Variants in CLYBL observed in about 807,000 individuals in gnomAD.
CLYBL encodes the protein citramalyl-CoA lyase.
Under a neutral mutation model 38.9 loss-of-function variants are expected in CLYBL, and 31 were observed. The observed-to-expected ratio is 0.80, with a 90% CI of 0.60 to 1.08. CLYBL has a LOEUF of 1.08. CLYBL is among the 50% of genes least tolerant of loss of function. CLYBL has a pLI of 0.00. For missense variants in CLYBL, 434 were observed against 411.6 expected (o/e 1.05, Z -0.47); for synonymous variants, 171 against 158.6 (o/e 1.08, Z -0.59).
intron 1 of CLYBL, among the ~76,000 whole-genome samples, chr13:99,712,895 C>T (rs2048256830): frequency 6.6e-6 from 1 of 152,026 alleles, no homozygotes. Context: ...TATCTGGAAA[C>T]CATGTCTTCT....
intron 2 of CLYBL, among the ~76,000 whole-genome samples, chr13:99,843,658 G>A (rs1341425642): frequency 6.7e-6 from 1 of 148,484 alleles, no homozygotes; most frequent in Non-Finnish European, 1.5e-5. Flanking sequence ...CTGGAGTGCA[G>A]TGGTATGATC....
intron 2 of CLYBL, among the ~76,000 whole-genome samples, chr13:99,821,036 G>A (rs1429108137): frequency 6.6e-6 from 1 of 152,174 alleles, no homozygotes; most frequent in African/African-American, 2.4e-5. Context: ...TAGGTGATTT[G>A]TGTTTTAAAT....
Position 99,849,625 on chromosome 13 carries a change from T to C in CLYBL, c.250-9236T>C, listed in dbSNP as rs188443683. On this transcript the variant is annotated intron_variant, in intron 2 of 8. Transcript: ENST00000339105. This position sits in a 1 kb window ranked among gnomAD's most constrained non-coding sequence, Gnocchi z 4.9. Reference sequence around the variant, plus strand: ...TCAGCACCAGCTCCACATTGTCCTATGAGTTTGAGTCAGAGGTGCCTCAGA... The same window carrying C: ...TCAGCACCAGCTCCACATTGTCCTACGAGTTTGAGTCAGAGGTGCCTCAGA... Among the ~76,000 whole-genome samples the C allele has an allele frequency of 2.4e-3, 362 of 152,342 alleles. 2 individuals carry two copies. Among genetic ancestry groups the C allele is most frequent in the African/African-American group, 8.6e-3 (357 of 41,578 alleles).
At chr13:99,677,923 G>A (rs573532884) in intron 1 of CLYBL, among the ~76,000 whole-genome samples, 2 of 152,208 alleles carry the variant, frequency 1.3e-5, no homozygotes, top group South Asian at 4.1e-4. Context: ...TTTTATTTCA[G>A]GTCACCTTGC....
chr13:99,875,455 T>C (rs4772250), intron 7 of CLYBL, among the ~76,000 whole-genome samples: 34,675 of 152,158 alleles, frequency 0.23, 4,485 homozygotes, highest in East Asian at 0.4. Flanking sequence ...CATAGGTGTC[T>C]GATTGCTGCT....
intron 1 of CLYBL, among the ~76,000 whole-genome samples, chr13:99,738,889 C>G (rs893137029): frequency 2.6e-5 from 4 of 152,144 alleles, no homozygotes; most frequent in African/African-American, 9.7e-5. Context: ...TAGTTGGACA[C>G]TCAGCTGTGA....
downstream of CLYBL, chr13:99,897,207 T>C (rs1341110859): frequency 6.6e-6 from 1 of 152,326 alleles, no homozygotes; most frequent in African/African-American, 2.4e-5. Context: ...GCAGGAGCTA[T>C]GCCAGGCTGC....
intron 1 of CLYBL, among the ~76,000 whole-genome samples, chr13:99,623,852 G>C (rs998682129): frequency 5.3e-5 from 8 of 151,850 alleles, no homozygotes; most frequent in African/African-American, 1.5e-4. Context: ...CCAGCTACTC[G>C]GGAGGCTGAG....
At chr13:99,720,594 C>T (rs547090655) in intron 1 of CLYBL, among the ~76,000 whole-genome samples, 40 of 152,236 alleles carry the variant, frequency 2.6e-4, no homozygotes, top group Admixed American at 5.9e-4. Context: ...GTATGGAGAA[C>T]GTGTTTATTT....
At chr13:99,770,508 G>A (rs2049365552) in intron 1 of CLYBL, among the ~76,000 whole-genome samples, 2 of 151,982 alleles carry the variant, frequency 1.3e-5, no homozygotes, top group South Asian at 4.2e-4. Context: ...TAGTAGAGAC[G>A]GGGTTTCACT....
intron 2 of CLYBL, among the ~76,000 whole-genome samples, chr13:99,837,577 C>T (rs937325413): frequency 3.9e-5 from 6 of 152,170 alleles, no homozygotes; most frequent in African/African-American, 1.4e-4. Flanking sequence ...AGAAATGTCA[C>T]CTAGTAAAAT....
chr13:99,636,049 G>A (rs1226903150), intron 1 of CLYBL, among the ~76,000 whole-genome samples: 2 of 152,008 alleles, frequency 1.3e-5, no homozygotes, highest in Admixed American at 6.5e-5. Flanking sequence ...AACTTTTAAT[G>A]AGTTTGAATT....
At chr13:99,876,899 T>C (rs561313703) in intron 7 of CLYBL, among the ~76,000 whole-genome samples, 1 of 152,322 alleles carries the variant, frequency 6.6e-6, no homozygotes, top group Non-Finnish European at 1.5e-5. Flanking sequence ...AATGTATGTC[T>C]TTTCTTGAGG....
chr13:99,728,480 G>C (rs898530972), intron 1 of CLYBL, among the ~76,000 whole-genome samples: 6 of 151,628 alleles, frequency 4.0e-5, no homozygotes, highest in African/African-American at 1.5e-4. Flanking sequence ...GGGTTTCACT[G>C]TGTTAGCCAG....
At chr13:99,895,321 A>C (rs958551941), downstream of CLYBL, 5 of 152,156 alleles carry the variant, frequency 3.3e-5, no homozygotes, top group South Asian at 6.2e-4. Flanking sequence ...TCTGTGTTTT[A>C]TTTCTTTCCT....
downstream of CLYBL, among the ~76,000 whole-genome samples, chr13:99,900,567 G>A (rs1401668311): frequency 1.3e-5 from 2 of 152,064 alleles, no homozygotes; most frequent in Non-Finnish European, 2.9e-5. Flanking sequence ...CAATGCTAGG[G>A]GCACCTTCTG....
intron 1 of CLYBL, among the ~76,000 whole-genome samples, chr13:99,740,344 G>A (rs2048732575): frequency 6.6e-6 from 1 of 152,182 alleles, no homozygotes; most frequent in South Asian, 2.1e-4. Flanking sequence ...CATGACAAAT[G>A]CTGTCCTGTA....
chr13:99,735,741 GT>G (rs2048655867), intron 1 of CLYBL, among the ~76,000 whole-genome samples: 2 of 152,122 alleles, frequency 1.3e-5, no homozygotes. Context: ...AAAGGATTAA[GT>G]GAGATAATGT....
intron 1 of CLYBL, among the ~76,000 whole-genome samples, chr13:99,710,052 G>C (rs1478575191): frequency 2.0e-5 from 3 of 151,564 alleles, no homozygotes; most frequent in African/African-American, 7.3e-5. Flanking sequence ...GCCTCTCCGA[G>C]TAGCTGGGGC....
Sources: gnomAD v4.1 joint callset for allele counts (sites outside exome capture counted in the v4.1 genomes callset) on GRCh38, gnomAD v4.1.1 for gene constraint, Gnocchi (gnomAD v3.1) non-coding constraint, MANE v1.5 for transcripts, NCBI Gene and HGNC (gene_info 2026-07-23, HGNC 2026-07-21) for gene names.